Variants in HEATR5A observed in about 807,000 individuals in gnomAD.
HEATR5A encodes the protein HEAT repeat-containing protein 5A.
A neutral mutation model predicts 218.8 loss-of-function variants in HEATR5A; 178 were observed. The ratio of observed to expected loss-of-function variants is 0.81; its 90% CI spans 0.72 to 0.92. HEATR5A has a LOEUF of 0.92. HEATR5A is among the 40% of genes least tolerant of loss of function. HEATR5A has a pLI of 0.00. For synonymous variants in HEATR5A, 864 were observed against 871.6 expected (o/e 0.99, Z 0.15); for missense variants, 2,420 against 2,418.9 (o/e 1.00, Z -0.01).
intron 1 of HEATR5A, among the ~76,000 whole-genome samples, chr14:31,413,822 C>T (rs559095835): frequency 3.9e-5 from 6 of 152,318 alleles, no homozygotes; most frequent in East Asian, 1.9e-4. Context: ...TCTGTCTAAA[C>T]GTCCACATTC....
chr14:31,324,085 T>C (rs1046058962), intron 23 of HEATR5A, among the ~76,000 whole-genome samples: 2 of 152,014 alleles, frequency 1.3e-5, no homozygotes, highest in African/African-American at 2.4e-5. Context: ...AAAAAATATT[T>C]AAAAAAACAA....
intron 26 of HEATR5A, among the ~76,000 whole-genome samples, chr14:31,317,298 T>A (rs1411902270): frequency 9.3e-6 from 1 of 107,122 alleles, no homozygotes; most frequent in African/African-American, 5.7e-5. Flanking sequence ...GGCTAGATTT[T>A]TTTTTTTTTT....
intron 20 of HEATR5A, among the ~76,000 whole-genome samples, chr14:31,344,747 A>G (rs1358388250): frequency 1.7e-4 from 1 of 5,932 alleles, no homozygotes; most frequent in African/African-American, 2.5e-4. Flanking sequence ...ACTTTCATGT[A>G]TTATAATCAT....
intron 10 of HEATR5A, among the ~76,000 whole-genome samples, chr14:31,380,971 A>G (rs2029954918): frequency 6.6e-6 from 1 of 152,170 alleles, no homozygotes; most frequent in African/African-American, 2.4e-5. Context: ...ACATACAGCC[A>G]GGTGCGGTGG....
At position 31,299,771 on chromosome 14, in the gene HEATR5A, G is replaced by A. The variant is rs1270121363; in HGVS notation, c.5464+2524C>T. 4.0e-5 allele frequency among the ~76,000 whole-genome samples: 6 copies of A among 151,088 alleles called. 1 individual carries two copies. Among genetic ancestry groups the A allele is most frequent in the Non-Finnish European group, 8.8e-5 (6 of 67,876 alleles). ...CTTTCGGCCGGGCATGATGGCTCAT[G>A]TCTGTAATCCCAGCACTTTGGGAGG... On this transcript the variant is annotated intron_variant, in intron 33 of 35. Coordinates refer to ENST00000543095, the MANE Select transcript of HEATR5A (RefSeq NM_015473.4).
intron 21 of HEATR5A, 113 bp from the exon 22 acceptor site, chr14:31,337,727 G>T: frequency 1.3e-6 from 1 of 795,554 alleles, no homozygotes; most frequent in Non-Finnish European, 1.9e-6. Flanking sequence ...TCAGTGGGCT[G>T]GACACAATTT....
At chr14:31,309,263 T>C in intron 28 of HEATR5A, 81 bp from the exon 29 acceptor site, 2 of 1,471,572 alleles carry the variant, frequency 1.4e-6, no homozygotes, top group South Asian at 1.3e-5. Flanking sequence ...ATATAGACCA[T>C]TTCCATCACT....
intron 35 of HEATR5A, 107 bp from the exon 36 acceptor site, chr14:31,293,719 C>T (rs547146128): frequency 3.3e-5 from 38 of 1,153,806 alleles, no homozygotes; most frequent in Middle Eastern, 2.2e-4. Context: ...GAAAACAATT[C>T]GTCCAATCTC....
Position 31,294,090 on chromosome 14 carries a change from G to C in HEATR5A, c.5634C>G (p.Thr1878=). 2 of 1,587,368 alleles carry C rather than the reference G, an allele frequency of 1.3e-6. No homozygotes were observed. The highest frequency in any genetic ancestry group is 1.7e-6 in the Non-Finnish European group (2 of 1,165,338). The stretch of plus-strand genomic sequence containing the variant: ...GAAAGATGGAATGTAGGAGCTGGTA[G>C]GTCTTGATTTGTACCTAATAAGGTA... ...EIKDPVVQIK[T]YQLLHSIFQY... The change falls in exon 35 of 36, where the codon ACC becomes ACG. Residue 1878 remains threonine, a synonymous_variant. Coordinates refer to ENST00000543095, the MANE Select transcript of HEATR5A (RefSeq NM_015473.4).
chr14:31,292,045 AAGG>A lies in HEATR5A; in HGVS notation c.*1257_*1259del, dbSNP rs1381794093. On this transcript the variant is annotated 3_prime_UTR_variant, in exon 36 of 36. Transcript: ENST00000543095. ...TTCACACAGTATAACACTGAAGTAG[AAGG>A]AGAATCAACAATCATGAACACAGTT... 6.6e-6 allele frequency: 1 copy of A among 152,250 alleles called. No homozygotes were observed. The highest frequency in any genetic ancestry group is 2.4e-5 in the African/African-American group (1 of 41,460). 9.4% of individuals were successfully genotyped at this position (152,250 alleles called of 1,614,324 possible).
At chr14:31,394,861 AG>A (rs1304293883) in intron 5 of HEATR5A, among the ~76,000 whole-genome samples, 6 of 152,322 alleles carry the variant, frequency 3.9e-5, no homozygotes. Flanking sequence ...AACTATGTTA[AG>A]AAGCTATAAA....
At chr14:31,401,378 T>C (rs1194549412) in intron 2 of HEATR5A, among the ~76,000 whole-genome samples, 2 of 152,170 alleles carry the variant, frequency 1.3e-5, no homozygotes, top group African/African-American at 4.8e-5. Flanking sequence ...GGTCCTCACT[T>C]TCCCTTCGCC....
intron 22 of HEATR5A, among the ~76,000 whole-genome samples, chr14:31,326,575 G>A (rs181554286): frequency 2.3e-3 from 346 of 152,262 alleles, no homozygotes; most frequent in Middle Eastern, 0.01. Flanking sequence ...GTATTCATAT[G>A]TTATTATTAA....
chr14:31,358,650 C>T lies in HEATR5A; in HGVS notation c.2398G>A (p.Gly800Arg). The T allele has an allele frequency of 6.2e-7, 1 of 1,612,656 alleles. No homozygotes were observed. Among genetic ancestry groups the T allele is most frequent in the Non-Finnish European group, 8.5e-7 (1 of 1,179,464 alleles). ...KLFGVVCAHV[G>R]ETQRLLILEQ... ...GAAGATATTTACCTTTGAGTTTCTC[C>T]CACATGAGCGCATACAACCCCAAAG... The change falls in exon 16 of 36, where the codon GGA becomes AGA. Residue 800 changes from glycine to arginine, a missense_variant. By Grantham distance (125) the Gly-to-Arg change is moderately radical (BLOSUM62 -2). Transcript: ENST00000543095.
At chr14:31,343,745 A>T (rs1197397367) in intron 21 of HEATR5A, 151 bp downstream of exon 21, 2 of 516,676 alleles carry the variant, frequency 3.9e-6, no homozygotes, top group Admixed American at 3.9e-5. Flanking sequence ...GCTGCCCCCT[A>T]CTCCCGAAAA....
intron 18 of HEATR5A, among the ~76,000 whole-genome samples, chr14:31,349,410 G>A (rs1459959724): frequency 4.6e-5 from 7 of 151,684 alleles, no homozygotes; most frequent in Admixed American, 2.0e-4. Context: ...TGAAAGTACC[G>A]TTTGTTTCCT....
intron 4 of HEATR5A, among the ~76,000 whole-genome samples, chr14:31,395,948 A>G (rs1325754758): frequency 2.0e-5 from 3 of 152,246 alleles, no homozygotes; most frequent in Non-Finnish European, 4.4e-5. Flanking sequence ...TGTGACCCGC[A>G]GTAACTTTGT....
In HEATR5A at chr14:31,377,377, C is replaced by T. The variant is rs1902267250; in HGVS notation, c.1709-2409G>A. On this transcript the variant is annotated intron_variant, in intron 11 of 35. Transcript: ENST00000543095. ...GAATAATGATCGCAAGTGATTAAAACATATAAATATATAAAATTCCATGAG... is the reference window on the plus strand; with the variant it reads ...GAATAATGATCGCAAGTGATTAAAATATATAAATATATAAAATTCCATGAG... Among the ~76,000 whole-genome samples, 5 of 151,476 alleles carry T rather than the reference C, an allele frequency of 3.3e-5. No individual in the cohort carries two copies. In the South Asian group the frequency reaches 1.0e-3, roughly 32 times the overall value.
At position 31,380,549 on chromosome 14, in the gene HEATR5A, C is replaced by T. The variant is rs764939987; in HGVS notation, c.1626G>A (p.Leu542=). Residue 542 remains leucine, a synonymous_variant, in exon 11 of 36, where the codon CTG becomes CTA. Coordinates refer to ENST00000543095, the MANE Select transcript of HEATR5A (RefSeq NM_015473.4). ...GGCGACTGTTTTGAGCAGCAGAACA[C>T]AGCAAATCCTCTGCTAATGTCATAA... ...KIIMTLAEDL[L]CSAAQNSRLS... is the part of the protein sequence containing the mutation. The T allele has an allele frequency of 6.2e-7, 1 of 1,603,884 alleles. No individual in the cohort carries two copies. The highest frequency in any genetic ancestry group is 8.5e-7 in the Non-Finnish European group (1 of 1,174,878).
Sources: allele counts gnomAD v4.1 joint callset (sites outside exome capture counted in the v4.1 genomes callset), GRCh38; gene constraint gnomAD v4.1.1; transcripts MANE v1.5; gene names NCBI Gene and HGNC (gene_info 2026-07-23, HGNC 2026-07-21).